Variants in FANCD2 observed in about 807,000 individuals in gnomAD.
FANCD2 encodes FA complementation group D2.
In FANCD2, 131 loss-of-function variants were observed where a neutral mutation model predicts 192.3. The ratio of observed to expected loss-of-function variants is 0.68; its 90% CI spans 0.59 to 0.79. FANCD2 has a LOEUF of 0.79. Among genes scored for constraint, FANCD2 ranks in the 30% least tolerant of loss-of-function variants. FANCD2 has a pLI of 0.00. For missense variants in FANCD2, 1,508 were observed against 1,701.6 expected (o/e 0.89, Z 2.00); for synonymous variants, 524 against 612.5 (o/e 0.86, Z 2.13).
At chr3:10,040,908 C>T (rs7615764) in intron 9 of FANCD2, 33,901 of 180,372 alleles carry the variant, frequency 0.19, 3,819 homozygotes, top group African/African-American at 0.32. Flanking sequence ...CATCTGTCAC[C>T]GTCTGTTGGG....
At chr3:10,090,429 C>A (rs2125081770) in intron 37 of FANCD2, 44 bp downstream of exon 37, 251 of 647,724 alleles carry the variant, frequency 3.9e-4, no homozygotes, top group Non-Finnish European at 5.9e-4. Flanking sequence ...CTTTGGATTA[C>A]TTGGAAGTTG....
intron 43 of FANCD2, chr3:10,099,022 A>G (rs1296177953): frequency 6.2e-7 from 1 of 1,611,808 alleles, no homozygotes; most frequent in East Asian, 2.2e-5. Flanking sequence ...ACTCCTGAGT[A>G]TCTCGAGTTG....
Position 10,056,955 on chromosome 3 carries a change from A to G in FANCD2, c.1657-3339A>G, listed in dbSNP as rs532651844. ...CTGCAACCTCCACCTCCCAGGCTCA[A>G]GCGATCCTCCCATGTCAGCCTCCTG... On this transcript the variant is annotated intron_variant, in intron 18 of 43. Transcript: ENST00000675286. Among the ~76,000 whole-genome samples the G allele has an allele frequency of 1.1e-4, 16 of 152,252 alleles. No homozygotes were observed. In the South Asian group the frequency reaches 1.5e-3, roughly 14 times the overall value.
Position 10,060,567 on chromosome 3 carries a change from T to C in FANCD2, c.1766+164T>C, listed in dbSNP as rs1410194599. Among the ~76,000 whole-genome samples, 3 of 152,234 alleles carry C rather than the reference T, an allele frequency of 2.0e-5. No homozygotes were observed. In the South Asian group the frequency reaches 6.2e-4, roughly 31 times the overall value. ...CCCTTCTAATCGTGACTGTATATAT[T>C]ACCATGTATATGTTTTGCTGGAATG... On this transcript the variant is annotated intron_variant, in intron 19 of 43. Transcript: ENST00000675286.
At chr3:10,071,430 G>T (rs1223233455) in intron 26 of FANCD2, among the ~76,000 whole-genome samples, 1 of 152,288 alleles carries the variant, frequency 6.6e-6, no homozygotes, top group African/African-American at 2.4e-5. Context: ...GTCAAGATTT[G>T]GAAGCAACCT....
At position 10,060,321 on chromosome 3, in the gene FANCD2, C is replaced by T. The variant is rs1477306020; in HGVS notation, c.1684C>T (p.Gln562Ter). Reference sequence around the variant, plus strand: ...TGACATGCACTTGGTGATAAGAAAGCAGCTCTCTAGCACCGTATTCAAGTA... The same window carrying T: ...TGACATGCACTTGGTGATAAGAAAGTAGCTCTCTAGCACCGTATTCAAGTA... ...QDDMHLVIRKQLSSTVFKYKL... is the reference protein window; with the variant it reads ...QDDMHLVIRK The change falls in exon 19 of 44, where the codon CAG becomes TAG. Residue 562 changes from glutamine (Q) to a stop codon, truncating the protein, a stop_gained. Transcript: ENST00000675286. LOFTEE classifies it high-confidence loss of function. 2 of 1,612,490 alleles carry T rather than the reference C, an allele frequency of 1.2e-6. No individual in the cohort carries two copies. The highest frequency in any genetic ancestry group is 1.7e-6 in the Non-Finnish European group (2 of 1,179,788).
chr3:10,095,325 C>T, intron 41 of FANCD2, 51 bp downstream of exon 41: 2 of 1,444,070 alleles, frequency 1.4e-6, no homozygotes, highest in Non-Finnish European at 1.9e-6. Flanking sequence ...GCTTAATCTG[C>T]AGTTGCTATT....
chr3:10,049,398 C>T lies in FANCD2; in HGVS notation c.1438C>T (p.His480Tyr). Residue 480 changes from histidine (H) to tyrosine (Y), a missense_variant, in exon 17 of 44, where the codon CAT becomes TAT. Coordinates refer to ENST00000675286, the MANE Select transcript of FANCD2 (RefSeq NM_001018115.3). ...GGAAGTGGTTGGTGCCTTAGTGACC[C>T]ATATCTGCAGTGGGAATGAAGCTGA... ...QQEVVGALVT[H>Y]ICSGNEAEVD... 2 of 1,611,994 alleles carry T rather than the reference C, an allele frequency of 1.2e-6. No individual in the cohort carries two copies. The highest frequency in any genetic ancestry group is 1.3e-5 in the African/African-American group (1 of 74,216).
intron 35 of FANCD2, 138 bp downstream of exon 35, chr3:10,088,680 G>A (rs1383481278): frequency 2.8e-6 from 3 of 1,089,748 alleles, no homozygotes; most frequent in Non-Finnish European, 2.8e-6. Context: ...ACACAATTTG[G>A]AACATGTGGA....
intron 17 of FANCD2, among the ~76,000 whole-genome samples, chr3:10,051,242 G>A (rs535885275): frequency 2.7e-5 from 4 of 148,418 alleles, no homozygotes; most frequent in South Asian, 2.2e-4. Context: ...TTAGCCGGGC[G>A]TAGTGGTGGG....
chr3:10,081,671 T>C (rs1693846770), intron 32 of FANCD2: 1 of 600,524 alleles, frequency 1.7e-6, no homozygotes, highest in Admixed American at 2.7e-5. Flanking sequence ...GTTAACCCAT[T>C]TGACAGATTA....
chr3:10,046,501 G>A, intron 14 of FANCD2, 79 bp from the exon 15 acceptor site: 4 of 1,585,308 alleles, frequency 2.5e-6, no homozygotes, highest in Non-Finnish European at 3.4e-6. Context: ...TTTAATTAGA[G>A]GAAAAGCTGC....
intron 40 of FANCD2, chr3:10,094,729 G>A (rs1005795380): frequency 9.3e-6 from 3 of 321,658 alleles, no homozygotes; most frequent in Non-Finnish European, 1.8e-5. Context: ...GCTCATTTGT[G>A]TCATAAAACC....
Position 10,049,356 on chromosome 3 carries a change from T to A in FANCD2, c.1414-18T>A. ...CATATTTTGTTTTACACTGTTCTGT[T>A]GACTCTCCCCTGTATAGGAAGTGGT... On this transcript the variant is annotated intron_variant, in intron 16 of 43. Coordinates refer to ENST00000675286, the MANE Select transcript of FANCD2 (RefSeq NM_001018115.3). 6.3e-7 allele frequency: 1 copy of A among 1,593,956 alleles called. No individual in the cohort carries two copies. The highest frequency in any genetic ancestry group is 1.1e-5 in the South Asian group (1 of 90,396).
intron 9 of FANCD2, 139 bp from the exon 10 acceptor site, chr3:10,041,484 A>T: frequency 1.5e-6 from 1 of 645,606 alleles, no homozygotes; most frequent in South Asian, 1.7e-5. Flanking sequence ...TTTTAAAGAA[A>T]CATACTATAA....
At chr3:10,059,419 A>G (rs537971180) in intron 18 of FANCD2, among the ~76,000 whole-genome samples, 1 of 152,338 alleles carries the variant, frequency 6.6e-6, no homozygotes, top group South Asian at 2.1e-4. Flanking sequence ...TAGAAATAAT[A>G]ACAATAAAAG....
chr3:10,062,905 T>TGACCA (rs2087611015), intron 20 of FANCD2, among the ~76,000 whole-genome samples: 1 of 152,100 alleles, frequency 6.6e-6, no homozygotes, highest in Non-Finnish European at 1.5e-5. Context: ...TTCGCTATGT[T>TGACCA]GACCAGGCTG....
Position 10,075,012 on chromosome 3 carries a change from C to G in FANCD2, c.2859+339C>G, listed in dbSNP as rs538768566. ...AGTCAATGCCCTTTTCACTTTTTCA[C>G]AACATTTGTTCAGCACCTGACAGTT... is the stretch of plus-strand genomic sequence containing the variant. On this transcript the variant is annotated intron_variant, in intron 29 of 43. Transcript: ENST00000675286. Among the ~76,000 whole-genome samples the G allele has an allele frequency of 3.3e-5, 5 of 152,182 alleles. No individual in the cohort carries two copies. In the East Asian group the frequency reaches 9.7e-4, roughly 29 times the overall value.
In FANCD2 at chr3:10,088,923, C is replaced by A; in HGVS notation, c.3656C>A (p.Ser1219Tyr). ...CTGATCAACTCTCCTAAAGATGCAT[C>A]TTCCTCCACATTCCCTACACTGACC... ...PELINSPKDA[S>Y]SSTFPTLTRH... The change falls in exon 36 of 44, where the codon TCT becomes TAT. Residue 1219 changes from serine to tyrosine, a missense_variant. Around this residue, in one of 5 missense-constraint regions of FANCD2, gnomAD observed 796 missense variants for 879.4 expected, o/e 0.91. Coordinates refer to ENST00000675286, the MANE Select transcript of FANCD2 (RefSeq NM_001018115.3). 6.2e-7 allele frequency: 1 copy of A among 1,614,040 alleles called. No individual in the cohort carries two copies. Among genetic ancestry groups the A allele is most frequent in the Non-Finnish European group, 8.5e-7 (1 of 1,179,942 alleles).
Sources: allele counts gnomAD v4.1 joint callset (sites outside exome capture counted in the v4.1 genomes callset), GRCh38; gene constraint gnomAD v4.1.1; regional missense constraint gnomAD v4.1.1; transcripts MANE v1.5; gene names NCBI Gene and HGNC (gene_info 2026-07-23, HGNC 2026-07-21).